SCRIB: variants seen among roughly 807,000 people sequenced by gnomAD.
SCRIB encodes protein scribble homolog.
A neutral mutation model predicts 170.0 loss-of-function variants in SCRIB; 72 were observed. That is an observed-to-expected ratio of 0.42 (90% confidence interval 0.35 to 0.52). SCRIB has a LOEUF of 0.52. Among genes scored for constraint, SCRIB ranks in the 20% least tolerant of loss-of-function variants. The pLI is 0.02. For synonymous variants in SCRIB, 1,298 were observed against 1,044.3 expected (o/e 1.24, Z -4.68); for missense variants, 2,475 against 2,338.5 (o/e 1.06, Z -1.20).
In SCRIB at chr8:143,791,326, GTGGGCAGTGAGCTGAGGGCAGC is replaced by G; in HGVS notation, c.4823-40_4823-19del. 1 of 1,586,498 alleles carries G rather than the reference GTGGGCAGTGAGCTGAGGGCAGC, an allele frequency of 6.3e-7. No homozygotes were observed. The highest frequency in any genetic ancestry group is 8.6e-7 in the Non-Finnish European group (1 of 1,166,240). On this transcript the variant is annotated intron_variant, in intron 36 of 36. Coordinates refer to ENST00000356994, the MANE Select transcript of SCRIB (RefSeq NM_182706.5). ...CTGCGGGCCTGGAGGGCAGGGACAG[GTGGGCAGTGAGCTGAGGGCAGC>G]TGGGCTCCTGGGAGCTCACCCCAGC...
In SCRIB at chr8:143,813,909, G is replaced by A. The variant is rs781269239; in HGVS notation, c.278-13C>T. The A allele has an allele frequency of 1.3e-5, 21 of 1,606,246 alleles. No individual in the cohort carries two copies. The highest frequency in any genetic ancestry group is 1.7e-5 in the Admixed American group (1 of 59,752). ...ATCTCAGGGATATCTGTCACAGAGG[G>A]TCACAGTGGACAGATGCCATGGCCT... On this transcript the variant is annotated splice_polypyrimidine_tract_variant and intron_variant, in intron 2 of 36. Coordinates refer to ENST00000356994, the MANE Select transcript of SCRIB (RefSeq NM_182706.5).
chr8:143,792,878 C>T lies in SCRIB; in HGVS notation c.4018-11G>A, dbSNP rs113263044. 3.8e-5 allele frequency: 57 copies of T among 1,505,238 alleles called. No homozygotes were observed. Among genetic ancestry groups the T allele is most frequent in the African/African-American group, 5.6e-5 (4 of 71,714 alleles). The allele number at this position is 1,505,238 out of a possible 1,614,324, so 93.2% of individuals were successfully genotyped here. On this transcript the variant is annotated splice_polypyrimidine_tract_variant and intron_variant, in intron 29 of 36. Coordinates refer to ENST00000356994, the MANE Select transcript of SCRIB (RefSeq NM_182706.5). ...CCCAGGCGTGGGGGGCTGGGGGGAGCGGACCTTGAGGTTTGGCTGGCATTC... is the reference window on the plus strand; with the variant it reads ...CCCAGGCGTGGGGGGCTGGGGGGAGTGGACCTTGAGGTTTGGCTGGCATTC...
chr8:143,793,295 C>T, intron 28 of SCRIB: 1 of 459,396 alleles, frequency 2.2e-6, no homozygotes. Flanking sequence ...GCTGGGGAGC[C>T]CCTTGGCCAG....
At position 143,795,410 on chromosome 8, in the gene SCRIB, C is replaced by T. The variant is rs552937477; in HGVS notation, c.3714+10G>A. On this transcript the variant is annotated intron_variant, in intron 25 of 36. Coordinates refer to ENST00000356994, the MANE Select transcript of SCRIB (RefSeq NM_182706.5). ...TGGCCCTGGGGCTGCCGGCTGCAGG[C>T]ACCTCTGACCTTGCCTGGGCCCTCA... 3.1e-6 allele frequency: 5 copies of T among 1,612,620 alleles called. No individual in the cohort carries two copies. The Admixed American group carries it at 5.0e-5, about 16-fold the overall frequency.
At chr8:143,807,907 G>A (rs376593265) in intron 15 of SCRIB, among the ~76,000 whole-genome samples, 1 of 152,282 alleles carries the variant, frequency 6.6e-6, no homozygotes, top group African/African-American at 2.4e-5. Context: ...TGTCATCAAG[G>A]GCAGGGATAG....
chr8:143,804,102 A>C lies in SCRIB; in HGVS notation c.3064T>G (p.Ser1022Ala), dbSNP rs782434284. The change falls in exon 22 of 37, where the codon TCC (serine) becomes GCC (alanine). Residue 1022 changes from serine to alanine, a missense_variant. By Grantham distance (99) the Ser-to-Ala change is moderately conservative. Transcript: ENST00000356994. ...CCAAACGGGTGGCTGGAATGGTCGG[A>C]GCCTCCGACAATACTAAGCCCCAGA... Reference protein sequence around the residue: ...GPLGLSIVGGSDHSSHPFGVQ... With the variant: ...GPLGLSIVGGADHSSHPFGVQ... The C allele has an allele frequency of 1.4e-5, 23 of 1,612,766 alleles. No individual in the cohort carries two copies. In the Admixed American group the frequency reaches 3.8e-4, roughly 27 times the overall value.
rs1183741132 is a variant in SCRIB, at chr8:143,813,241, G to A, written c.567+70C>T. On this transcript the variant is annotated intron_variant, in intron 6 of 36. Coordinates refer to ENST00000356994, the MANE Select transcript of SCRIB (RefSeq NM_182706.5). ...GTGCCCCTTGCTGTCGGATCTGCTC[G>A]CTGTCCCCTTCTTTGCCCTTGCTTC... 1.8e-5 allele frequency: 28 copies of A among 1,599,192 alleles called. No individual in the cohort carries two copies. In the East Asian group the frequency reaches 3.6e-4, roughly 20 times the overall value.
At chr8:143,812,070 G>A (rs1257633959) in intron 9 of SCRIB, among the ~76,000 whole-genome samples, 196 bp downstream of exon 9, 1 of 152,106 alleles carries the variant, frequency 6.6e-6, no homozygotes, top group Admixed American at 6.5e-5. Flanking sequence ...AACGGCAAAG[G>A]CCCCTGCCCT....
At position 143,804,032 on chromosome 8, in the gene SCRIB, A is replaced by T; in HGVS notation, c.3120+14T>A. The stretch of plus-strand genomic sequence containing the variant: ...GTGCACCTCTCACAGAACCGCCTGG[A>T]TGGGCCGCCCTACCTTGGAGATGAA... On this transcript the variant is annotated intron_variant, in intron 22 of 36. Transcript: ENST00000356994. The T allele has an allele frequency of 3.1e-6, 5 of 1,598,328 alleles. No homozygotes were observed. Among genetic ancestry groups the T allele is most frequent in the Non-Finnish European group, 4.3e-6 (5 of 1,170,060 alleles).
Position 143,811,009 on chromosome 8 carries a change from G to A in SCRIB, c.1170C>T (p.Asn390=). ...GGAACCGGAGCATGGGCTGCGCCTG[G>A]TTCTCTGCCAGCCACAGGGCCTTGA... ...LNLKALWLAE[N]QAQPMLRFQT... The change falls in exon 11 of 37, where the codon AAC becomes AAT. Residue 390 remains asparagine, a synonymous_variant. Transcript: ENST00000356994. The A allele has an allele frequency of 6.2e-7, 1 of 1,611,448 alleles. No homozygotes were observed. Among genetic ancestry groups the A allele is most frequent in the African/African-American group, 1.3e-5 (1 of 75,046 alleles).
rs1182661159 is a variant in SCRIB at position 143,811,318 on chromosome 8, T to A, written c.934A>T (p.Thr312Ser). 3 of 1,612,708 alleles carry A rather than the reference T, an allele frequency of 1.9e-6. No individual in the cohort carries two copies. The African/African-American group carries it at 4.0e-5, about 22-fold the overall frequency. ...MALPRSLGKL[T>S]KLTNLNVDRN... The stretch of plus-strand genomic sequence containing the variant: ...TCCACGTTGAGGTTGGTCAGCTTAG[T>A]CAGCTTTCCCAGGGAGCGGGGCAGG... The change falls in exon 10 of 37, where the codon ACT (threonine) becomes TCT (serine). Residue 312 changes from threonine to serine, a missense_variant. By Grantham distance (58) the Thr-to-Ser change is moderately conservative. Coordinates refer to ENST00000356994, the MANE Select transcript of SCRIB (RefSeq NM_182706.5).
chr8:143,793,258 G>A, intron 28 of SCRIB, 175 bp from the exon 29 acceptor site: 3 of 496,322 alleles, frequency 6.0e-6, no homozygotes, highest in Non-Finnish European at 1.1e-5. Context: ...AGCACTCACG[G>A]AGTGGGGACA....
rs371973612 is a variant in SCRIB, at chr8:143,813,892, G to A, written c.282C>T (p.Ile94=). Residue 94 remains isoleucine (I), a synonymous_variant, in exon 3 of 37, where the codon ATC becomes ATT. Coordinates refer to ENST00000356994, the MANE Select transcript of SCRIB (RefSeq NM_182706.5). ...ACTTGATGCTCTCCGGGATCTCAGG[G>A]ATATCTGTCACAGAGGGTCACAGTG... The part of the protein sequence containing the change: ...LVELDVSRND[I]PEIPESIKFC... 10 of 1,608,020 alleles carry A rather than the reference G, an allele frequency of 6.2e-6. No individual in the cohort carries two copies. The highest frequency in any genetic ancestry group is 1.1e-5 in the South Asian group (1 of 90,674).
chr8:143,794,685 T>C (rs1554633720), intron 27 of SCRIB, among the ~76,000 whole-genome samples: 1 of 151,506 alleles, frequency 6.6e-6, no homozygotes, highest in Admixed American at 6.6e-5. Context: ...CTTGGGGACA[T>C]GTGCCTGCCC....
In SCRIB at chr8:143,792,781, G is replaced by A; in HGVS notation, c.4104C>T (p.Pro1368=). 1 of 1,581,414 alleles carries A rather than the reference G, an allele frequency of 6.3e-7. No individual in the cohort carries two copies. Among genetic ancestry groups the A allele is most frequent in the Non-Finnish European group, 8.6e-7 (1 of 1,166,360 alleles). The change falls in exon 30 of 37, where the codon CCC becomes CCT. Residue 1368 remains proline, a synonymous_variant. Coordinates refer to ENST00000356994, the MANE Select transcript of SCRIB (RefSeq NM_182706.5). ...QKYFELEVRV[P]QAEGPPKRVS... The stretch of plus-strand genomic sequence containing the variant: ...CGCGCTTAGGGGGGCCCTCGGCCTG[G>A]GGCACGCGCACCTCCAGCTCAAAGT...
At chr8:143,803,190 G>C (rs1554635310) in intron 24 of SCRIB, among the ~76,000 whole-genome samples, 193 bp downstream of exon 24, 1 of 152,188 alleles carries the variant, frequency 6.6e-6, no homozygotes, top group Admixed American at 6.5e-5. Context: ...CGATGAGCCG[G>C]AGCTCAGCAG....
chr8:143,805,059 G>A, intron 19 of SCRIB, 45 bp from the exon 20 acceptor site: 3 of 1,583,216 alleles, frequency 1.9e-6, no homozygotes, highest in Non-Finnish European at 2.6e-6. Flanking sequence ...TGAGGCTGGA[G>A]TGCGGCTGTC....
chr8:143,798,914 C>G (rs1554634549), intron 24 of SCRIB, among the ~76,000 whole-genome samples: 7 of 151,792 alleles, frequency 4.6e-5, no homozygotes, highest in Non-Finnish European at 1.0e-4. Flanking sequence ...CAAAGAATGC[C>G]CTGTCAAAGC....
chr8:143,793,106 G>A, intron 28 of SCRIB, 23 bp from the exon 29 acceptor site: 1 of 1,347,682 alleles, frequency 7.4e-7, no homozygotes, highest in Non-Finnish European at 9.9e-7. Context: ...GCTCTTGTGA[G>A]CTATGCTGGG....
Sources: allele counts gnomAD v4.1 joint callset (sites outside exome capture counted in the v4.1 genomes callset), GRCh38; gene constraint gnomAD v4.1.1; transcripts MANE v1.5; gene names NCBI Gene and HGNC (gene_info 2026-07-23, HGNC 2026-07-21).